The following LRRC37A3 variants were observed in gnomAD, a reference collection of about 807,000 sequenced individuals.
LRRC37A3 encodes the protein leucine-rich repeat-containing protein 37A3.
In LRRC37A3, 25 loss-of-function variants were observed where a neutral mutation model predicts 106.2. The ratio of observed to expected loss-of-function variants is 0.24; its 90% confidence interval spans 0.17 to 0.33. The LOEUF (loss-of-function observed/expected upper bound fraction) is 0.33, where lower values mean the gene tolerates loss of function less well. Among genes scored for constraint, LRRC37A3 ranks in the 10% least tolerant of loss-of-function variants. The probability of loss-of-function intolerance (pLI) is 1.00; values close to 1 mark genes in which losing one functional copy is unlikely to be tolerated. For synonymous variants in LRRC37A3, 305 were observed against 635.8 expected, an observed-to-expected ratio of 0.48 and a Z score of 7.83; for missense variants, 712 against 1,644.9, an observed-to-expected ratio of 0.43 and a Z score of 9.81.
At chr17:64,902,326 TA>T (rs1974333677) in intron 2 of LRRC37A3, among the ~76,000 whole-genome samples, 1 of 129,176 alleles carries the variant, frequency 7.7e-6, no homozygotes, top group Non-Finnish European at 1.6e-5. Context: ...GTCCAGGGCT[TA>T]TAATCACTAT....
At chr17:64,862,573 T>C (rs1321342186) in intron 11 of LRRC37A3, among the ~76,000 whole-genome samples, 2 of 151,930 alleles carry the variant, frequency 1.3e-5, no homozygotes, top group Admixed American at 6.6e-5. Context: ...TTGCACTATA[T>C]GAAGAAATTA....
intron 10 of LRRC37A3, among the ~76,000 whole-genome samples, chr17:64,865,670 C>A (rs913946494): frequency 2.0e-5 from 3 of 152,154 alleles, no homozygotes; most frequent in African/African-American, 7.2e-5. Flanking sequence ...TGACCCTTCA[C>A]CATTGAAGAC....
At chr17:64,872,738 A>G (rs555423781) in intron 8 of LRRC37A3, among the ~76,000 whole-genome samples, 1 of 152,360 alleles carries the variant, frequency 6.6e-6, no homozygotes, top group Non-Finnish European at 1.5e-5. Flanking sequence ...TTGGGAAACT[A>G]GAAGTCCATA....
At position 64,899,418 on chromosome 17, in the gene LRRC37A3, T is replaced by A. The variant is rs1399927383; in HGVS notation, c.-495-959A>T. ...CTGGACAACAGAGTGAGACTCCATC[T>A]CAAAAAAAAAAAAAAAAAAAAAGAT... On this transcript the variant is annotated intron_variant, in intron 2 of 14. Transcript: ENST00000584306. Among the ~76,000 whole-genome samples the A allele has an allele frequency of 2.9e-5, 2 of 68,304 alleles. 1 individual carries two copies. Among genetic ancestry groups the A allele is most frequent in the African/African-American group, 1.9e-4 (2 of 10,760 alleles). 44.8% of individuals were successfully genotyped at this position (68,304 alleles called of 152,430 possible).
intron 10 of LRRC37A3, among the ~76,000 whole-genome samples, chr17:64,866,169 T>A (rs906202027): frequency 4.6e-5 from 7 of 151,414 alleles, no homozygotes; most frequent in Admixed American, 2.0e-4. Flanking sequence ...CCAATAATGG[T>A]CAAGAAAAAA....
Position 64,881,236 on chromosome 17 carries a change from T to C in LRRC37A3, c.2906+4850A>G, listed in dbSNP as rs1973692538. 4.3e-6 allele frequency: 3 copies of C among 697,184 alleles called. No homozygotes were observed. In the Admixed American group the frequency reaches 6.0e-5, roughly 14 times the overall value. The allele number at this position is 697,184 out of a possible 1,614,324, so 43.2% of individuals were successfully genotyped here. On this transcript the variant is annotated intron_variant, in intron 8 of 14. Coordinates refer to ENST00000584306, the MANE Select transcript of LRRC37A3 (RefSeq NM_199340.5). ...TCTGAAACAGTGAGCCTTTTTCTTT[T>C]CTTTTCTTTTCTTTTCTTTTTTTTG...
intron 8 of LRRC37A3, among the ~76,000 whole-genome samples, chr17:64,875,147 C>A (rs1368579239): frequency 6.6e-6 from 1 of 152,120 alleles, no homozygotes; most frequent in Non-Finnish European, 1.5e-5. Flanking sequence ...CATGGTGGTG[C>A]ATGCCTGTAG....
intron 2 of LRRC37A3, chr17:64,898,990 C>CCATACCTA (rs1974220160): frequency 6.9e-6 from 1 of 145,548 alleles, no homozygotes; most frequent in East Asian, 2.0e-4. Flanking sequence ...CTAGGGTACA[C>CCATACCTA]GGTATGGCTT....
At chr17:64,859,277 A>G (rs1972786068) in intron 12 of LRRC37A3, among the ~76,000 whole-genome samples, 165 bp downstream of exon 12, 1 of 151,980 alleles carries the variant, frequency 6.6e-6, no homozygotes, top group Non-Finnish European at 1.5e-5. Context: ...GCCCTAATCT[A>G]TTTCACTCTC....
At position 64,865,429 on chromosome 17, in the gene LRRC37A3, C is replaced by A. The variant is rs573615368; in HGVS notation, c.3054-2411G>T. Among the ~76,000 whole-genome samples, 8 of 152,298 alleles carry A rather than the reference C, an allele frequency of 5.3e-5. No individual in the cohort carries two copies. In the South Asian group the frequency reaches 1.5e-3, roughly 28 times the overall value. On this transcript the variant is annotated intron_variant, in intron 10 of 14. Coordinates refer to ENST00000584306, the MANE Select transcript of LRRC37A3 (RefSeq NM_199340.5). ...AAAGTGCTGGGATTACAGGCATGAG[C>A]CCAAAATTTTTGTTATTCTTTTTCT...
intron 11 of LRRC37A3, among the ~76,000 whole-genome samples, chr17:64,861,970 C>A (rs1007832947): frequency 3.3e-5 from 5 of 151,912 alleles, no homozygotes; most frequent in Non-Finnish European, 5.9e-5. Flanking sequence ...TGGGGAGAAC[C>A]CAGAATTGGG....
chr17:64,866,628 ATTTT>A (rs1183521580), intron 10 of LRRC37A3, among the ~76,000 whole-genome samples: 7 of 17,868 alleles, frequency 3.9e-4, no homozygotes, highest in East Asian at 2.6e-3. Context: ...ATATATATAT[ATTTT>A]TTTTTTTTTT....
Position 64,859,415 on chromosome 17 carries a change from G to T in LRRC37A3, c.4704+27C>A, listed in dbSNP as rs568202103. 80 of 967,890 alleles carry T rather than the reference G, an allele frequency of 8.3e-5. No homozygotes were observed. In the African/African-American group the frequency reaches 1.3e-3, roughly 16 times the overall value. The allele number at this position is 967,890 out of a possible 1,614,324, so 60.0% of individuals were successfully genotyped here. A position where few individuals can be genotyped will look rare whatever the true frequency, so the allele number is the denominator to read the frequency against. On this transcript the variant is annotated intron_variant, in intron 12 of 14. Transcript: ENST00000584306. ...GATATGCTAAATGATGGGAAATCTG[G>T]GTCTCATGTTTCTGTGTAGTCCTCA...
intron 6 of LRRC37A3, among the ~76,000 whole-genome samples, chr17:64,888,269 C>T (rs1330739223): frequency 6.7e-6 from 1 of 149,124 alleles, no homozygotes; most frequent in Non-Finnish European, 1.5e-5. Flanking sequence ...CCTTTAAAGT[C>T]CTATTCAAAT....
At chr17:64,881,065 C>A in intron 8 of LRRC37A3, 1 of 699,958 alleles carries the variant, frequency 1.4e-6, no homozygotes, top group South Asian at 1.5e-5. Context: ...ACCCAATATG[C>A]GCGATGTACT....
chr17:64,918,952 T>C (rs1054150725), intron 1 of LRRC37A3, 82 bp from the exon 2 acceptor site: 15 of 1,087,384 alleles, frequency 1.4e-5, no homozygotes, highest in Non-Finnish European at 1.7e-5. Flanking sequence ...CGTCCGGACC[T>C]GCAGCTGTCC....
chr17:64,901,406 C>A (rs1315765689), intron 2 of LRRC37A3: 1 of 148,436 alleles, frequency 6.7e-6, no homozygotes, highest in Non-Finnish European at 1.5e-5. Flanking sequence ...GGTGTCTACT[C>A]CCTGAGAACC....
chr17:64,912,240 T>TATGC (rs376838361), intron 2 of LRRC37A3, among the ~76,000 whole-genome samples: 23 of 5,780 alleles, frequency 4.0e-3, no homozygotes, highest in East Asian at 0.025. Context: ...TCTTTCAATG[T>TATGC]ATGTAGATAT....
chr17:64,855,726 T>A, intron 14 of LRRC37A3, 114 bp downstream of exon 14: 1 of 1,542,098 alleles, frequency 6.5e-7, no homozygotes. Context: ...CGCTTGAACC[T>A]GGGAAGTGGA....
Sources: gnomAD v4.1 joint callset for allele counts (sites outside exome capture counted in the v4.1 genomes callset) on GRCh38, gnomAD v4.1.1 for gene constraint, MANE v1.5 for transcripts, NCBI Gene and HGNC (gene_info 2026-07-23, HGNC 2026-07-21) for gene names.